The following ADGRB3 variants were observed in gnomAD, a reference collection of about 807,000 sequenced individuals.
ADGRB3 encodes the protein brain-specific angiogenesis inhibitor 3.
In ADGRB3, 37 loss-of-function variants were observed where a neutral mutation model predicts 193.4. That is an observed-to-expected ratio of 0.19 (90% CI 0.15 to 0.25). ADGRB3 has a LOEUF of 0.25. ADGRB3 is among the 10% of genes least tolerant of loss of function. The probability of loss-of-function intolerance (pLI) is 1.00; values close to 1 mark genes in which losing one functional copy is unlikely to be tolerated. For missense variants in ADGRB3, 1,637 were observed against 1,852.9 expected (o/e 0.88, Z 2.14); for synonymous variants, 690 against 644.2 (o/e 1.07, Z -1.08).
At chr6:69,318,811 T>C (rs1168597707) in intron 20 of ADGRB3, among the ~76,000 whole-genome samples, 1 of 150,660 alleles carries the variant, frequency 6.6e-6, no homozygotes, top group Non-Finnish European at 1.5e-5. Flanking sequence ...AAACGTCCAT[T>C]TTATGTAGCT....
At chr6:68,887,341 T>G (rs1488123307) in intron 3 of ADGRB3, among the ~76,000 whole-genome samples, 2 of 151,992 alleles carry the variant, frequency 1.3e-5, no homozygotes, top group Non-Finnish European at 2.9e-5. Context: ...ATCTTTTGAG[T>G]TTTGGCTTGC....
chr6:69,063,101 A>G lies in ADGRB3; in HGVS notation c.2436+65A>G, dbSNP rs138548021. 2,532 of 1,182,046 alleles carry G rather than the reference A, an allele frequency of 2.1e-3. 43 individuals are homozygous for G. In the African/African-American group the frequency reaches 0.034, roughly 16 times the overall value. 73.2% of individuals were successfully genotyped at this position (1,182,046 alleles called of 1,614,324 possible). A position where few individuals can be genotyped will look rare whatever the true frequency, so the allele number is the denominator to read the frequency against. ...TACCTTTCTAACAGTCATTCTTTCA[A>G]CTGATAACACCAGAATACATTTTCT... On this transcript the variant is annotated intron_variant, in intron 16 of 31. Transcript: ENST00000370598.
chr6:69,375,486 T>G (rs1236110933), intron 30 of ADGRB3, among the ~76,000 whole-genome samples: 1 of 152,038 alleles, frequency 6.6e-6, no homozygotes, highest in Non-Finnish European at 1.5e-5. Flanking sequence ...AGAAGACTCT[T>G]CAGTTCTGAG....
chr6:69,042,377 T>C (rs1439776556), intron 13 of ADGRB3, among the ~76,000 whole-genome samples: 1 of 152,164 alleles, frequency 6.6e-6, no homozygotes, highest in Non-Finnish European at 1.5e-5. Context: ...GTAAATACTG[T>C]TGAATGAAGT....
intron 17 of ADGRB3, among the ~76,000 whole-genome samples, chr6:69,180,945 G>A (rs1775563680): frequency 6.6e-6 from 1 of 152,142 alleles, no homozygotes. Flanking sequence ...TTTTCCTGGT[G>A]TCTTTCCCTC....
At chr6:69,002,606 T>C (rs1392738323) in intron 11 of ADGRB3, among the ~76,000 whole-genome samples, 1 of 152,202 alleles carries the variant, frequency 6.6e-6, no homozygotes, top group Non-Finnish European at 1.5e-5. Flanking sequence ...TTAAGTCACT[T>C]GGTGAAGACC....
chr6:69,124,280 A>G (rs1013187777), intron 17 of ADGRB3, among the ~76,000 whole-genome samples: 1 of 151,970 alleles, frequency 6.6e-6, no homozygotes, highest in Non-Finnish European at 1.5e-5. Context: ...CTTTTTATTT[A>G]TTCTTTATTA....
chr6:68,929,820 C>T (rs1465312277), intron 3 of ADGRB3, among the ~76,000 whole-genome samples: 2 of 151,796 alleles, frequency 1.3e-5, no homozygotes, highest in Non-Finnish European at 2.9e-5. Flanking sequence ...CATTTGTTCC[C>T]GAATTAGTAC....
chr6:69,277,284 C>T (rs927743207), intron 20 of ADGRB3, among the ~76,000 whole-genome samples: 1 of 152,014 alleles, frequency 6.6e-6, no homozygotes, highest in Non-Finnish European at 1.5e-5. Context: ...TGAGCCATGG[C>T]GCCTGGCCCA....
Position 69,233,039 on chromosome 6 carries a change from C to T in ADGRB3, c.2481-251C>T, listed in dbSNP as rs538523289. 8.7e-5 allele frequency: 45 copies of T among 519,528 alleles called. 1 individual carries two copies. Among genetic ancestry groups the T allele is most frequent in the Middle Eastern group, 1.1e-3 (2 of 1,900 alleles). 32.2% of individuals were successfully genotyped at this position (519,528 alleles called of 1,614,324 possible). On this transcript the variant is annotated intron_variant, in intron 17 of 31. Coordinates refer to ENST00000370598, the MANE Select transcript of ADGRB3 (RefSeq NM_001704.3). ...GCATAGGGCTGGACAGAGCTAGTCC[C>T]GGTTTCAGCACCTCCGGCGCTGGAC...
At chr6:68,915,097 T>A (rs1766838409) in intron 3 of ADGRB3, among the ~76,000 whole-genome samples, 1 of 152,176 alleles carries the variant, frequency 6.6e-6, no homozygotes, top group Non-Finnish European at 1.5e-5. Context: ...AGTTATAATT[T>A]GAAAGAAATC....
At chr6:68,849,076 TG>T (rs1276819567) in intron 3 of ADGRB3, among the ~76,000 whole-genome samples, 2 of 151,984 alleles carry the variant, frequency 1.3e-5, no homozygotes, top group African/African-American at 4.8e-5. Context: ...ATGGCTGAAA[TG>T]TTTGAGTTGT....
intron 1 of ADGRB3, among the ~76,000 whole-genome samples, chr6:68,637,066 G>A (rs1316719536): frequency 2.0e-5 from 3 of 150,788 alleles, no homozygotes; most frequent in South Asian, 2.1e-4. Flanking sequence ...TGAAGAAAAT[G>A]CATTATTCAT....
At chr6:68,939,127 G>T (rs911486320) in intron 5 of ADGRB3, among the ~76,000 whole-genome samples, 1 of 152,104 alleles carries the variant, frequency 6.6e-6, no homozygotes, top group Non-Finnish European at 1.5e-5. Context: ...GGATCAGAGC[G>T]CTTCTCCCCC....
At chr6:68,691,144 G>A (rs2127302077) in intron 3 of ADGRB3, among the ~76,000 whole-genome samples, 1 of 152,210 alleles carries the variant, frequency 6.6e-6, no homozygotes, top group East Asian at 1.9e-4. Context: ...GTCCATTTCA[G>A]TTCTAGGGGA....
chr6:68,884,157 C>T (rs1765830858), intron 3 of ADGRB3, among the ~76,000 whole-genome samples: 1 of 152,110 alleles, frequency 6.6e-6, no homozygotes, highest in African/African-American at 2.4e-5. Context: ...AATCGACTTA[C>T]TTTTAGATTC....
At chr6:68,913,587 TG>T (rs1332670415) in intron 3 of ADGRB3, among the ~76,000 whole-genome samples, 8 of 151,776 alleles carry the variant, frequency 5.3e-5, no homozygotes, top group African/African-American at 1.9e-4. Context: ...ACCACAAAGA[TG>T]GGGAAAAAAC....
At chr6:69,055,224 G>A (rs1771510137) in intron 15 of ADGRB3, among the ~76,000 whole-genome samples, 1 of 152,076 alleles carries the variant, frequency 6.6e-6, no homozygotes, top group African/African-American at 2.4e-5. Context: ...ATGCACTTGT[G>A]TAACATCTCT....
chr6:69,044,019 C>T (rs62416776), intron 13 of ADGRB3, among the ~76,000 whole-genome samples: 12,087 of 151,862 alleles, frequency 0.08, 597 homozygotes, highest in Non-Finnish European at 0.12. Flanking sequence ...CCAGCCTGGG[C>T]GACAGAGCGA....
Sources: allele counts gnomAD v4.1 joint callset (sites outside exome capture counted in the v4.1 genomes callset), GRCh38; gene constraint gnomAD v4.1.1; transcripts MANE v1.5; gene names NCBI Gene and HGNC (gene_info 2026-07-23, HGNC 2026-07-21).